Variants in SLC27A6 observed in about 807,000 individuals in gnomAD.
SLC27A6 encodes solute carrier family 27 member 6, also known as long-chain fatty acid transport protein 6.
A neutral mutation model predicts 63.9 loss-of-function variants in SLC27A6; 74 were observed. The observed-to-expected ratio is 1.16, with a 90% confidence interval of 0.96 to 1.40. SLC27A6 has a LOEUF of 1.40. Among genes scored for constraint, SLC27A6 ranks in the 40% most tolerant of loss-of-function variants. SLC27A6 has a pLI of 0.00. For synonymous variants in SLC27A6, 287 were observed against 260.8 expected, an observed-to-expected ratio of 1.10 and a Z score of -0.97; for missense variants, 794 against 732.9, an observed-to-expected ratio of 1.08 and a Z score of -0.96.
chr5:128,994,987 C>T (rs916858461), intron 4 of SLC27A6, among the ~76,000 whole-genome samples: 4 of 152,222 alleles, frequency 2.6e-5, no homozygotes, highest in African/African-American at 4.8e-5. Context: ...GAAAAAGAGA[C>T]TGACTCCTGT....
intron 2 of SLC27A6, 82 bp downstream of exon 2, chr5:128,985,418 T>C: frequency 9.0e-7 from 1 of 1,115,820 alleles, no homozygotes; most frequent in Non-Finnish European, 1.3e-6. Context: ...CTACCATGTG[T>C]AGTGACCAAC....
intron 4 of SLC27A6, among the ~76,000 whole-genome samples, chr5:129,000,552 A>G (rs1342546980): frequency 6.6e-6 from 1 of 152,158 alleles, no homozygotes; most frequent in Non-Finnish European, 1.5e-5. Context: ...AAAGTCCAAC[A>G]AGGGAATTTG....
intron 1 of SLC27A6, among the ~76,000 whole-genome samples, chr5:128,978,841 T>A (rs1335086210): frequency 6.6e-6 from 1 of 152,150 alleles, no homozygotes; most frequent in Non-Finnish European, 1.5e-5. Context: ...TCCCATAAGA[T>A]TGTAATACTC....
rs1490117694 is a variant in SLC27A6, at chr5:129,016,875, T to C, written c.1164+796T>C. 2.0e-5 allele frequency among the ~76,000 whole-genome samples: 3 copies of C among 152,294 alleles called. No homozygotes were observed. In the East Asian group the frequency reaches 5.8e-4, roughly 29 times the overall value. On this transcript the variant is annotated intron_variant, in intron 5 of 9. Transcript: ENST00000262462. ...AAACCAACTTTTTAGGAGGAGAAGA[T>C]TGACAGCTGATTTCTCAGTAGCAAC...
intron 1 of SLC27A6, among the ~76,000 whole-genome samples, chr5:128,974,171 C>T (rs3863174): frequency 0.086 from 13,124 of 152,174 alleles, 888 homozygotes; most frequent in East Asian, 0.23. Context: ...TTCTGTTGAC[C>T]GAATTGTTGT....
chr5:128,967,524 G>A (rs540845611), intron 1 of SLC27A6, among the ~76,000 whole-genome samples: 2 of 152,200 alleles, frequency 1.3e-5, no homozygotes, highest in African/African-American at 2.4e-5. Context: ...CCAATACCTT[G>A]TATAAAGTTT....
intron 1 of SLC27A6, among the ~76,000 whole-genome samples, chr5:128,980,171 A>C (rs775004673): frequency 3.2e-4 from 49 of 152,078 alleles, no homozygotes; most frequent in Admixed American, 7.2e-4. Context: ...GTATGTCCTC[A>C]TCATCATCAT....
chr5:129,018,441 A>G (rs534977088), intron 5 of SLC27A6, among the ~76,000 whole-genome samples: 1 of 152,214 alleles, frequency 6.6e-6, no homozygotes, highest in Non-Finnish European at 1.5e-5. Context: ...AATCACAGTA[A>G]TGCTCTAAAC....
At chr5:128,987,918 T>A (rs73784808) in intron 2 of SLC27A6, among the ~76,000 whole-genome samples, 3,913 of 152,174 alleles carry the variant, frequency 0.026, 161 homozygotes, top group African/African-American at 0.089. Flanking sequence ...AAGACCTGAG[T>A]TGTTAGACTG....
At chr5:128,971,676 T>C (rs573299468) in intron 1 of SLC27A6, among the ~76,000 whole-genome samples, 7 of 152,314 alleles carry the variant, frequency 4.6e-5, no homozygotes, top group African/African-American at 1.4e-4. Context: ...GAGATGGGTC[T>C]CCTGAATACA....
intron 9 of SLC27A6, 34 bp from the exon 10 acceptor site, chr5:129,033,054 TATATATTATAGTTATTAA>T: frequency 9.0e-7 from 1 of 1,111,738 alleles, no homozygotes; most frequent in Non-Finnish European, 1.3e-6. Flanking sequence ...ACTATATATG[TATATATTATAGTTATTAA>T]ATGATTCTAC....
chr5:128,974,828 G>A (rs1750321769), intron 1 of SLC27A6, among the ~76,000 whole-genome samples: 1 of 152,210 alleles, frequency 6.6e-6, no homozygotes, highest in African/African-American at 2.4e-5. Flanking sequence ...CTGATTCACA[G>A]TATAATTCTG....
In SLC27A6 at chr5:129,021,539, C is replaced by T. The variant is rs575070300; in HGVS notation, c.1165-2081C>T. Among the ~76,000 whole-genome samples the T allele has an allele frequency of 4.6e-5, 7 of 152,306 alleles. No homozygotes were observed. In the South Asian group the frequency reaches 1.5e-3, roughly 32 times the overall value. ...ATAGGTGTGTGTGCATTGCACAGTT[C>T]TGCTATGAATGGGACCCCATGTTTT... On this transcript the variant is annotated intron_variant, in intron 5 of 9. Transcript: ENST00000262462.
At chr5:128,971,725 G>A (rs1030283379) in intron 1 of SLC27A6, among the ~76,000 whole-genome samples, 1 of 152,088 alleles carries the variant, frequency 6.6e-6, no homozygotes, top group Non-Finnish European at 1.5e-5. Context: ...CAATTTGCCA[G>A]TCTGTGTCTT....
intron 1 of SLC27A6, among the ~76,000 whole-genome samples, chr5:128,976,636 A>G (rs568141484): frequency 2.0e-5 from 3 of 152,374 alleles, no homozygotes; most frequent in East Asian, 3.9e-4. Flanking sequence ...GAGAATTACA[A>G]TGGCTTGATT....
In SLC27A6 at chr5:129,022,449, T is replaced by C. The variant is rs761148811; in HGVS notation, c.1165-1171T>C. On this transcript the variant is annotated intron_variant, in intron 5 of 9. Coordinates refer to ENST00000262462, the MANE Select transcript of SLC27A6 (RefSeq NM_001017372.3). ...AACCAGAGGTATTTGTATTTAATCT[T>C]TGATGATAAATAATACTATTGCATC... Among the ~76,000 whole-genome samples the C allele has an allele frequency of 5.3e-5, 8 of 152,184 alleles. No homozygotes were observed. The South Asian group carries it at 6.2e-4, about 12-fold the overall frequency.
In SLC27A6 at chr5:128,985,140, T is replaced by C. The variant is rs1750742957; in HGVS notation, c.489T>C (p.Leu163=). The change falls in exon 2 of 10, where the codon CTT becomes CTC. Residue 163 remains leucine (L), a synonymous_variant. Coordinates refer to ENST00000262462, the MANE Select transcript of SLC27A6 (RefSeq NM_001017372.3). The part of the protein sequence containing the change: ...PRALVVGADL[L]GTVEEILPSL... Reference sequence around the variant, plus strand: ...CAACCCTTTGGCTTTTAGATTTGCTTGGAACGGTAGAAGAAATCCTTCCAA... The same window carrying C: ...CAACCCTTTGGCTTTTAGATTTGCTCGGAACGGTAGAAGAAATCCTTCCAA... 6.2e-7 allele frequency: 1 copy of C among 1,613,036 alleles called. No homozygotes were observed. The highest frequency in any genetic ancestry group is 8.5e-7 in the Non-Finnish European group (1 of 1,179,642).
At chr5:129,005,398 G>T (rs915231005) in intron 4 of SLC27A6, among the ~76,000 whole-genome samples, 2 of 152,124 alleles carry the variant, frequency 1.3e-5, no homozygotes. Flanking sequence ...TTAACCAGAC[G>T]ATGCTTAACT....
intron 1 of SLC27A6, among the ~76,000 whole-genome samples, chr5:128,973,285 G>GATTTCAAA (rs1160072468): frequency 5.9e-5 from 9 of 152,224 alleles, no homozygotes; most frequent in Non-Finnish European, 1.0e-4. Context: ...CCTGCTGGGA[G>GATTTCAAA]AACCACTGCT....
Sources: allele counts gnomAD v4.1 joint callset (sites outside exome capture counted in the v4.1 genomes callset), GRCh38; gene constraint gnomAD v4.1.1; transcripts MANE v1.5; gene names NCBI Gene and HGNC (gene_info 2026-07-23, HGNC 2026-07-21).